The following CHKA variants were observed in gnomAD, a reference collection of about 807,000 sequenced individuals.
The protein encoded by CHKA is choline kinase alpha.
CHKA carries 34 observed loss-of-function variants against 60.1 expected under a neutral mutation model. The ratio of observed to expected loss-of-function variants is 0.57; its 90% CI spans 0.43 to 0.75. The LOEUF is 0.75. Among genes scored for constraint, CHKA ranks in the 30% least tolerant of loss-of-function variants. The pLI is 0.00. For missense variants in CHKA, 563 were observed against 561.3 expected, an observed-to-expected ratio of 1.00 and a Z score of -0.03; for synonymous variants, 217 against 223.1, an observed-to-expected ratio of 0.97 and a Z score of 0.24.
At chr11:68,084,677 T>C (rs938715781) in intron 2 of CHKA, among the ~76,000 whole-genome samples, 9 of 151,962 alleles carry the variant, frequency 5.9e-5, no homozygotes, top group Admixed American at 5.9e-4. Context: ...ATTTTTTTAA[T>C]GTGAACATTA....
intron 9 of CHKA, 27 bp downstream of exon 9, chr11:68,065,759 T>C: frequency 1.4e-6 from 2 of 1,404,236 alleles, no homozygotes; most frequent in African/African-American, 1.4e-5. Flanking sequence ...AATTTTCCTA[T>C]CAAGTATACA....
rs759267907 is a variant in CHKA at position 68,120,925 on chromosome 11, G to C, written c.253C>G (p.Pro85Ala). 8.3e-7 allele frequency: 1 copy of C among 1,200,688 alleles called. No individual in the cohort carries two copies. Among genetic ancestry groups the C allele is most frequent in the Non-Finnish European group, 1.0e-6 (1 of 960,248 alleles). 74.4% of individuals were successfully genotyped at this position (1,200,688 alleles called of 1,614,324 possible). ...PQPPADEQPE[P>A]RTRRRAYLWC... ...AGATAGGCCCTGCGCCGCGTCCGGGGCTCCGGCTGCTCGTCTGCGGGCGGC... is the reference window on the plus strand; with the variant it reads ...AGATAGGCCCTGCGCCGCGTCCGGGCCTCCGGCTGCTCGTCTGCGGGCGGC... Residue 85 changes from proline (P) to alanine (A), a missense_variant, in exon 1 of 12, where the codon CCC becomes GCC. Physicochemically the swap from Pro to Ala is conservative, Grantham distance 27 (BLOSUM62 -1). Transcript: ENST00000265689.
At position 68,097,087 on chromosome 11, in the gene CHKA, T is replaced by G. The variant is rs763663084; in HGVS notation, c.394A>C (p.Thr132Pro). 6.2e-7 allele frequency: 1 copy of G among 1,613,764 alleles called. No homozygotes were observed. The highest frequency in any genetic ancestry group is 8.5e-7 in the Non-Finnish European group (1 of 1,179,852). The change falls in exon 2 of 12, where the codon ACC (threonine) becomes CCC (proline). Residue 132 changes from threonine (T) to proline (P), a missense_variant. Transcript: ENST00000265689. ...NMLFQCSLPD[T>P]TATLGDEPRK... ...GGCTCATCACCAAGGGTGGCTGTGG[T>G]GTCAGGTAGGGAGCACTGGAACAGC...
At position 68,092,607 on chromosome 11, in the gene CHKA, T is replaced by C. The variant is rs184601471; in HGVS notation, c.462+4412A>G. On this transcript the variant is annotated intron_variant, in intron 2 of 11. Coordinates refer to ENST00000265689, the MANE Select transcript of CHKA (RefSeq NM_001277.3). ...TCTCTACTTTGCTTCTTTTGTACCA[T>C]AGCCATCTTTTGGAGTTCTTGATTT... 3.3e-4 allele frequency among the ~76,000 whole-genome samples: 50 copies of C among 152,334 alleles called. No individual in the cohort carries two copies. In the East Asian group the frequency reaches 8.5e-3, roughly 26 times the overall value.
At chr11:68,106,422 T>C (rs895983777) in intron 1 of CHKA, among the ~76,000 whole-genome samples, 1 of 151,738 alleles carries the variant, frequency 6.6e-6, no homozygotes, top group Non-Finnish European at 1.5e-5. Flanking sequence ...CATGGTGGCA[T>C]TGAGCCTGTG....
At chr11:68,084,396 A>ATATACGTATATATATGTGTATATAT in intron 2 of CHKA, among the ~76,000 whole-genome samples, 1 of 120,014 alleles carries the variant, frequency 8.3e-6, no homozygotes, top group African/African-American at 3.1e-5. Flanking sequence ...ATATACACAC[A>ATATACGTATATATATGTGTATATAT]TATACGTATA....
rs141264487 is a variant in CHKA at position 68,091,219 on chromosome 11, T to C, written c.462+5800A>G. Among the ~76,000 whole-genome samples, 116 of 152,358 alleles carry C rather than the reference T, an allele frequency of 7.6e-4. 1 individual carries two copies. The East Asian group carries it at 0.017, about 22-fold the overall frequency. On this transcript the variant is annotated intron_variant, in intron 2 of 11. Coordinates refer to ENST00000265689, the MANE Select transcript of CHKA (RefSeq NM_001277.3). ...GAACTATTACTTCTCAAAACTTCTA[T>C]TAAATTATCCTCCTTTAGTTCAGGG...
At chr11:68,114,992 G>A (rs951138031) in intron 1 of CHKA, among the ~76,000 whole-genome samples, 6 of 152,108 alleles carry the variant, frequency 3.9e-5, no homozygotes, top group Admixed American at 2.6e-4. Context: ...ATGATTTTTC[G>A]ACTATACAAT....
rs1173938209 is a variant in CHKA at position 68,053,302 on chromosome 11, G to A, written c.*686C>T. Reference sequence around the variant, plus strand: ...GTCTGCACACTCCATCAGGAGGAAGGGCAGGGGAGAAGTCACATGCAGTAC... The same window carrying A: ...GTCTGCACACTCCATCAGGAGGAAGAGCAGGGGAGAAGTCACATGCAGTAC... On this transcript the variant is annotated 3_prime_UTR_variant, in exon 12 of 12. Transcript: ENST00000265689. The A allele has an allele frequency of 1.3e-5, 2 of 152,334 alleles. No individual in the cohort carries two copies. Among genetic ancestry groups the A allele is most frequent in the African/African-American group, 4.8e-5 (2 of 41,448 alleles). 9.4% of individuals were successfully genotyped at this position (152,334 alleles called of 1,614,324 possible). A position where few individuals can be genotyped will look rare whatever the true frequency, so the allele number is the denominator to read the frequency against.
intron 10 of CHKA, among the ~76,000 whole-genome samples, chr11:68,063,176 T>C (rs1447432421): frequency 4.6e-5 from 7 of 152,100 alleles, no homozygotes; most frequent in African/African-American, 1.7e-4. Context: ...ACACAGCATA[T>C]GGTGGCCGCC....
At chr11:68,093,772 T>A (rs1327357327) in intron 2 of CHKA, among the ~76,000 whole-genome samples, 1 of 152,222 alleles carries the variant, frequency 6.6e-6, no homozygotes, top group Non-Finnish European at 1.5e-5. Flanking sequence ...GTGACTCATA[T>A]AATAAACCAG....
At chr11:68,100,551 T>C (rs1006302515) in intron 1 of CHKA, among the ~76,000 whole-genome samples, 45 of 151,584 alleles carry the variant, frequency 3.0e-4, no homozygotes, top group Non-Finnish European at 5.4e-4. Flanking sequence ...GATTGTGCCA[T>C]TGCACTCCAG....
chr11:68,096,132 GGCGGGT>G (rs1321942245), intron 2 of CHKA, among the ~76,000 whole-genome samples: 4 of 151,930 alleles, frequency 2.6e-5, no homozygotes, highest in Non-Finnish European at 5.9e-5. Context: ...GGGGGACCAC[GGCGGGT>G]GGATCACTTG....
intron 1 of CHKA, among the ~76,000 whole-genome samples, chr11:68,114,739 C>A (rs1235518663): frequency 6.0e-5 from 9 of 151,160 alleles, no homozygotes; most frequent in Non-Finnish European, 4.4e-5. Flanking sequence ...AGACAAGACC[C>A]AGGGAAACTC....
intron 1 of CHKA, among the ~76,000 whole-genome samples, chr11:68,108,353 C>A (rs1857996036): frequency 6.6e-6 from 1 of 152,110 alleles, no homozygotes; most frequent in Non-Finnish European, 1.5e-5. Flanking sequence ...ACCACTCAAC[C>A]TTCTGGTTTC....
intron 7 of CHKA, among the ~76,000 whole-genome samples, chr11:68,066,867 A>C (rs1234864245): frequency 1.3e-5 from 2 of 152,154 alleles, no homozygotes. Context: ...TGCTAGCCAA[A>C]CACCACCCTC....
intron 1 of CHKA, among the ~76,000 whole-genome samples, chr11:68,102,550 TC>T (rs1382100448): frequency 7.2e-5 from 11 of 151,786 alleles, no homozygotes; most frequent in Non-Finnish European, 1.5e-4. Flanking sequence ...AAAAATAAAC[TC>T]CAAAATGGAT....
intron 2 of CHKA, among the ~76,000 whole-genome samples, chr11:68,091,837 TACC>T (rs1857358705): frequency 6.6e-6 from 1 of 152,046 alleles, no homozygotes; most frequent in South Asian, 2.1e-4. Context: ...TGTAAAATGT[TACC>T]ACCTCTGATT....
intron 2 of CHKA, among the ~76,000 whole-genome samples, chr11:68,095,211 T>C (rs866603777): frequency 6.6e-6 from 1 of 151,576 alleles, no homozygotes; most frequent in South Asian, 2.1e-4. Context: ...GAAACCATCC[T>C]GGCTAACATG....
Sources: allele counts gnomAD v4.1 joint callset (sites outside exome capture counted in the v4.1 genomes callset), GRCh38; gene constraint gnomAD v4.1.1; transcripts MANE v1.5; gene names NCBI Gene and HGNC (gene_info 2026-07-23, HGNC 2026-07-21).